HDAC9: variants seen among roughly 807,000 people sequenced by gnomAD.
HDAC9 encodes the protein histone deacetylase 9.
Under a neutral mutation model 139.4 loss-of-function variants are expected in HDAC9, and 41 were observed. The ratio of observed to expected loss-of-function variants is 0.29; its 90% CI spans 0.23 to 0.38. The LOEUF is 0.38. Among genes scored for constraint, HDAC9 ranks in the 10% least tolerant of loss-of-function variants. The pLI, the probability that HDAC9 is intolerant of heterozygous loss-of-function variation, is 1.00. For missense variants in HDAC9, 1,147 were observed against 1,297.0 expected (o/e 0.88, Z 1.78); for synonymous variants, 517 against 476.2 (o/e 1.09, Z -1.12).
chr7:18,893,853 A>G (rs143173675), intron 22 of HDAC9, among the ~76,000 whole-genome samples: 16 of 152,292 alleles, frequency 1.1e-4, no homozygotes, highest in African/African-American at 3.8e-4. Flanking sequence ...TGAAGGTGAT[A>G]AAGGAGCAAG....
intron 21 of HDAC9, among the ~76,000 whole-genome samples, chr7:18,848,396 T>C (rs1797048315): frequency 6.6e-6 from 1 of 152,090 alleles, no homozygotes; most frequent in African/African-American, 2.4e-5. Flanking sequence ...TGTTTGGAGC[T>C]GGGGCCTGTG....
intron 2 of HDAC9, among the ~76,000 whole-genome samples, chr7:18,278,790 C>T (rs1796911457): frequency 6.6e-6 from 1 of 151,992 alleles, no homozygotes; most frequent in South Asian, 2.1e-4. Flanking sequence ...CTCTTATGCA[C>T]CCCACATTTG....
At chr7:18,310,685 C>T (rs1272853136) in intron 1 of HDAC9, among the ~76,000 whole-genome samples, 1 of 152,060 alleles carries the variant, frequency 6.6e-6, no homozygotes, top group African/African-American at 2.4e-5. Flanking sequence ...CAGGCCTCCA[C>T]CTTTGATATA....
intron 22 of HDAC9, among the ~76,000 whole-genome samples, chr7:18,927,351 A>G (rs577531153): frequency 1.2e-4 from 19 of 152,166 alleles, no homozygotes; most frequent in Non-Finnish European, 1.6e-4. Context: ...TCTGCTTTGA[A>G]GTCCTGCTGG....
chr7:18,314,925 T>G (rs1218359507), intron 1 of HDAC9, among the ~76,000 whole-genome samples: 1 of 152,204 alleles, frequency 6.6e-6, no homozygotes, highest in Non-Finnish European at 1.5e-5. Flanking sequence ...AAGTAGTTAA[T>G]ATGAGCAAGG....
intron 14 of HDAC9, among the ~76,000 whole-genome samples, chr7:18,753,827 G>C (rs139447140): frequency 6.6e-6 from 1 of 152,050 alleles, no homozygotes; most frequent in Admixed American, 6.6e-5. Flanking sequence ...CCTATGTTTA[G>C]ATGAGGGTGT....
intron 6 of HDAC9, among the ~76,000 whole-genome samples, chr7:18,620,663 G>A (rs1839975363): frequency 6.6e-6 from 1 of 152,104 alleles, no homozygotes; most frequent in Admixed American, 6.5e-5. Context: ...GAGGAAAAGT[G>A]CTGCTCTTAG....
intron 2 of HDAC9, among the ~76,000 whole-genome samples, chr7:18,167,741 A>C (rs1788104270): frequency 6.6e-6 from 1 of 152,108 alleles, no homozygotes; most frequent in Non-Finnish European, 1.5e-5. Context: ...CGTTGAGTGG[A>C]ATTTAGCCAC....
chr7:18,743,810 G>A lies in HDAC9; in HGVS notation c.1910-5195G>A, dbSNP rs570129524. ...AGAAATAGTAACAGCCACTATGCAT[G>A]AGATTTGACGGTCATTAGACATGAA... On this transcript the variant is annotated intron_variant, in intron 13 of 25. Coordinates refer to ENST00000686413, the MANE Select transcript of HDAC9 (RefSeq NM_178425.4). 3.9e-5 allele frequency among the ~76,000 whole-genome samples: 6 copies of A among 152,092 alleles called. No individual in the cohort carries two copies. The South Asian group carries it at 1.2e-3, about 32-fold the overall frequency.
chr7:18,821,495 C>A (rs1794966591), intron 17 of HDAC9, among the ~76,000 whole-genome samples: 1 of 152,136 alleles, frequency 6.6e-6, no homozygotes, highest in African/African-American at 2.4e-5. Context: ...GCCAGTGTGG[C>A]TGCGGTGGAG....
chr7:18,884,460 G>C (rs1799971605), intron 22 of HDAC9, among the ~76,000 whole-genome samples: 1 of 152,118 alleles, frequency 6.6e-6, no homozygotes, highest in South Asian at 2.1e-4. Context: ...GACAGTCTTT[G>C]ATAATTGGTG....
chr7:18,925,884 A>G (rs1358881341), intron 22 of HDAC9, among the ~76,000 whole-genome samples: 1 of 152,048 alleles, frequency 6.6e-6, no homozygotes, highest in Non-Finnish European at 1.5e-5. Context: ...ATAAGAGCAT[A>G]ACATTTTTCA....
intron 12 of HDAC9, among the ~76,000 whole-genome samples, chr7:18,705,328 C>T (rs953641867): frequency 5.9e-5 from 9 of 152,162 alleles, no homozygotes; most frequent in African/African-American, 1.9e-4. Context: ...CACCCTTCTT[C>T]CCTACCTCAC....
intron 1 of HDAC9, among the ~76,000 whole-genome samples, chr7:18,323,563 C>G (rs1234767150): frequency 6.6e-6 from 1 of 152,112 alleles, no homozygotes; most frequent in African/African-American, 2.4e-5. Context: ...TAGGCTTTAA[C>G]AAATTTGAAT....
chr7:18,939,980 T>C (rs1781912774), intron 23 of HDAC9, among the ~76,000 whole-genome samples: 1 of 152,228 alleles, frequency 6.6e-6, no homozygotes. Flanking sequence ...TTTATTCATG[T>C]GCAGAGGATT....
At chr7:18,928,380 C>A (rs10226243) in intron 22 of HDAC9, among the ~76,000 whole-genome samples, 25,334 of 152,214 alleles carry the variant, frequency 0.17, 2,505 homozygotes, top group East Asian at 0.35. Flanking sequence ...CTTTGTTCTC[C>A]TTTTGGCTTT....
At chr7:18,938,573 C>T (rs1473623629) in intron 23 of HDAC9, among the ~76,000 whole-genome samples, 15 of 151,536 alleles carry the variant, frequency 9.9e-5, no homozygotes, top group Admixed American at 8.6e-4. Flanking sequence ...CCAGCCTGGG[C>T]GACAGAGGCG....
At chr7:18,861,807 ACT>A (rs1420981561) in intron 21 of HDAC9, among the ~76,000 whole-genome samples, 16 of 152,180 alleles carry the variant, frequency 1.1e-4, no homozygotes, top group African/African-American at 3.6e-4. Context: ...CATATTTGAA[ACT>A]CTAATTAAAA....
intron 12 of HDAC9, among the ~76,000 whole-genome samples, chr7:18,703,070 A>T (rs1490374961): frequency 6.6e-6 from 1 of 152,298 alleles, no homozygotes; most frequent in Admixed American, 6.5e-5. Context: ...GGTAAATAAC[A>T]TCTGTTTCAA....
Sources: allele counts gnomAD v4.1 joint callset (sites outside exome capture counted in the v4.1 genomes callset), GRCh38; gene constraint gnomAD v4.1.1; transcripts MANE v1.5; gene names NCBI Gene and HGNC (gene_info 2026-07-23, HGNC 2026-07-21).